MYO5A: variants seen among roughly 807,000 people sequenced by gnomAD.
MYO5A encodes the protein unconventional myosin-Va.
In MYO5A, 98 loss-of-function variants were observed where a neutral mutation model predicts 249.7. That is an observed-to-expected ratio of 0.39 (90% CI 0.33 to 0.46). The LOEUF (loss-of-function observed/expected upper bound fraction) is 0.46. MYO5A is among the 20% of genes least tolerant of loss of function. The pLI, the probability that MYO5A is intolerant of heterozygous loss-of-function variation, is 0.98. For synonymous variants in MYO5A, 778 were observed against 810.6 expected (o/e 0.96, Z 0.68); for missense variants, 1,696 against 2,308.8 (o/e 0.73, Z 5.44).
intron 14 of MYO5A, among the ~76,000 whole-genome samples, chr15:52,385,601 G>A (rs1293735304): frequency 1.9e-5 from 2 of 105,802 alleles, no homozygotes; most frequent in African/African-American, 3.0e-5. Flanking sequence ...TTTTCAAATT[G>A]TAAGCTAGAG....
At chr15:52,354,952 CTT>C (rs2040142850) in intron 25 of MYO5A, among the ~76,000 whole-genome samples, 1 of 151,974 alleles carries the variant, frequency 6.6e-6, no homozygotes, top group South Asian at 2.1e-4. Context: ...GAAAATATAT[CTT>C]GTTTTTGTTA....
intron 22 of MYO5A, among the ~76,000 whole-genome samples, chr15:52,369,850 A>C (rs1430548113): frequency 6.9e-6 from 1 of 144,432 alleles, no homozygotes; most frequent in East Asian, 2.1e-4. Context: ...TTTTAAAAGG[A>C]GTCTATGCCC....
chr15:52,317,983 T>C (rs1468961835), intron 39 of MYO5A, among the ~76,000 whole-genome samples: 1 of 152,140 alleles, frequency 6.6e-6, no homozygotes, highest in African/African-American at 2.4e-5. Context: ...TATAGAGAAA[T>C]ATGCTCCACT....
chr15:52,441,894 T>C (rs56227135), intron 1 of MYO5A, among the ~76,000 whole-genome samples: 22,423 of 152,222 alleles, frequency 0.15, 1,778 homozygotes, highest in Middle Eastern at 0.22. Flanking sequence ...AAACTTTTGT[T>C]ATATGAGTGT....
intron 1 of MYO5A, among the ~76,000 whole-genome samples, chr15:52,513,197 G>A (rs1182364279): frequency 6.6e-6 from 1 of 151,816 alleles, no homozygotes; most frequent in Non-Finnish European, 1.5e-5. Context: ...TTGGGAGGCC[G>A]AGATGGGCTG....
At chr15:52,452,454 A>C (rs747030312) in intron 1 of MYO5A, among the ~76,000 whole-genome samples, 16 of 152,178 alleles carry the variant, frequency 1.1e-4, no homozygotes, top group Non-Finnish European at 1.9e-4. Context: ...GAGTGCCTGA[A>C]GGGTGAAATA....
chr15:52,468,419 A>G (rs1022721853), intron 1 of MYO5A, among the ~76,000 whole-genome samples: 2 of 152,256 alleles, frequency 1.3e-5, no homozygotes, highest in African/African-American at 4.8e-5. Flanking sequence ...GCATTTTGAG[A>G]GGCTGAGGTG....
chr15:52,397,536 C>A, intron 9 of MYO5A, 70 bp from the exon 10 acceptor site: 2 of 1,553,032 alleles, frequency 1.3e-6, no homozygotes, highest in Non-Finnish European at 1.8e-6. Context: ...AAAATGTTAA[C>A]AAAGAGTTAA....
Position 52,327,577 on chromosome 15 carries a change from T to G in MYO5A, c.4710+275A>C, listed in dbSNP as rs368190607. Among the ~76,000 whole-genome samples, 10 of 152,274 alleles carry G rather than the reference T, an allele frequency of 6.6e-5. No individual in the cohort carries two copies. The South Asian group carries it at 2.1e-3, about 32-fold the overall frequency. On this transcript the variant is annotated intron_variant, in intron 36 of 41. Coordinates refer to ENST00000399233, the MANE Select transcript of MYO5A (RefSeq NM_001382347.1). ...AAAAAATTAGCTGGGCATGGTGGTG[T>G]GCAACTGTGGGCTCAGATACTTGGG...
At chr15:52,330,259 C>A (rs2038827123) in intron 35 of MYO5A, 94 bp downstream of exon 35, 3 of 1,515,254 alleles carry the variant, frequency 2.0e-6, no homozygotes, top group Admixed American at 3.3e-5. Context: ...ACTAATGAAA[C>A]CTACGCTGAA....
chr15:52,427,516 G>GA (rs144192879), intron 3 of MYO5A, among the ~76,000 whole-genome samples: 3 of 151,478 alleles, frequency 2.0e-5, no homozygotes, highest in Non-Finnish European at 2.9e-5. Flanking sequence ...CATGTGCAAG[G>GA]AAAAAAAATG....
At chr15:52,487,174 G>A (rs1427376164) in intron 1 of MYO5A, among the ~76,000 whole-genome samples, 2 of 152,160 alleles carry the variant, frequency 1.3e-5, no homozygotes, top group African/African-American at 4.8e-5. Context: ...CCAACACTCT[G>A]GGAGGCCAGG....
At chr15:52,409,854 TG>T (rs750959327) in intron 6 of MYO5A, among the ~76,000 whole-genome samples, 1 of 150,514 alleles carries the variant, frequency 6.6e-6, no homozygotes, top group Non-Finnish European at 1.5e-5. Context: ...ACTGTTTTTT[TG>T]ATAGTAGTTC....
At chr15:52,394,515 G>C (rs1016612254) in intron 11 of MYO5A, among the ~76,000 whole-genome samples, 7 of 152,184 alleles carry the variant, frequency 4.6e-5, no homozygotes, top group African/African-American at 1.7e-4. Context: ...ATACAGACTA[G>C]AAGGAAAGAA....
chr15:52,438,956 G>A (rs1378505687), intron 1 of MYO5A, among the ~76,000 whole-genome samples: 1 of 152,218 alleles, frequency 6.6e-6, no homozygotes, highest in African/African-American at 2.4e-5. Flanking sequence ...CCAGCTAGGC[G>A]CCCACTGCTG....
chr15:52,339,508 A>T (rs1051894697), intron 32 of MYO5A, among the ~76,000 whole-genome samples: 4 of 151,690 alleles, frequency 2.6e-5, no homozygotes, highest in South Asian at 2.1e-4. Context: ...ATTTTAGAAA[A>T]TTTTTTTGGC....
chr15:52,525,743 G>C (rs1028018031), intron 1 of MYO5A, among the ~76,000 whole-genome samples: 1 of 152,060 alleles, frequency 6.6e-6, no homozygotes, highest in Non-Finnish European at 1.5e-5. Context: ...TATTCCTCTA[G>C]TAATTACAAT....
chr15:52,331,470 T>A (rs917877373), intron 34 of MYO5A, among the ~76,000 whole-genome samples: 1 of 152,238 alleles, frequency 6.6e-6, no homozygotes, highest in Non-Finnish European at 1.5e-5. Context: ...TATCCTTTTA[T>A]CTACAGGGAG....
intron 23 of MYO5A, among the ~76,000 whole-genome samples, chr15:52,364,966 C>T (rs1166898062): frequency 6.6e-6 from 1 of 152,168 alleles, no homozygotes; most frequent in Non-Finnish European, 1.5e-5. Context: ...TACAGCACAT[C>T]CTTGAAAAAC....
Sources: gnomAD v4.1 joint callset for allele counts (sites outside exome capture counted in the v4.1 genomes callset) on GRCh38, gnomAD v4.1.1 for gene constraint, MANE v1.5 for transcripts, NCBI Gene and HGNC (gene_info 2026-07-23, HGNC 2026-07-21) for gene names.